CENPP: variants seen among roughly 807,000 people sequenced by gnomAD.
CENPP encodes centromere protein P.
CENPP carries 24 observed loss-of-function variants against 35.6 expected under a neutral mutation model. The observed-to-expected ratio is 0.67, with a 90% CI of 0.49 to 0.95. The LOEUF is 0.95. CENPP is among the 40% of genes least tolerant of loss of function. CENPP has a pLI of 0.00. For missense variants in CENPP, 332 were observed against 345.3 expected (o/e 0.96, Z 0.31); for synonymous variants, 120 against 125.5 (o/e 0.96, Z 0.29).
At chr9:92,386,387 CTA>C (rs1842422660) in intron 5 of CENPP, 1 of 762,154 alleles carries the variant, frequency 1.3e-6, no homozygotes, top group African/African-American at 1.7e-5. Flanking sequence ...GAGTATATGT[CTA>C]TATATACAGA....
At chr9:92,390,587 T>TGTGTGTGTGTGCGC (rs749697394) in intron 5 of CENPP, among the ~76,000 whole-genome samples, 5 of 141,912 alleles carry the variant, frequency 3.5e-5, no homozygotes, top group South Asian at 4.7e-4. Flanking sequence ...TGTGTGTGTG[T>TGTGTGTGTGTGCGC]GCGCGCGCGC....
At chr9:92,335,117 G>A (rs1426663663) in intron 2 of CENPP, among the ~76,000 whole-genome samples, 2 of 152,068 alleles carry the variant, frequency 1.3e-5, no homozygotes, top group South Asian at 2.1e-4. Context: ...TGGTGCCACC[G>A]CACTCCAGCC....
chr9:92,440,125 G>A (rs767038839), intron 5 of CENPP, among the ~76,000 whole-genome samples: 73 of 152,256 alleles, frequency 4.8e-4, no homozygotes, highest in Middle Eastern at 3.4e-3. Context: ...ATCCCTGTGT[G>A]CAACATATCC....
intron 5 of CENPP, among the ~76,000 whole-genome samples, chr9:92,394,519 G>A (rs1034627504): frequency 2.0e-5 from 3 of 150,158 alleles, no homozygotes; most frequent in African/African-American, 4.9e-5. Context: ...CCAAAGTGCC[G>A]GGATTACAGA....
chr9:92,367,230 A>G (rs939456699), intron 4 of CENPP, among the ~76,000 whole-genome samples: 1 of 152,120 alleles, frequency 6.6e-6, no homozygotes, highest in Non-Finnish European at 1.5e-5. Context: ...GCAGTGGCAC[A>G]ATCTCGGCTC....
chr9:92,619,514 C>G lies in CENPP; in HGVS notation c.*6365C>G. The G allele has an allele frequency of 6.3e-7, 1 of 1,593,380 alleles. No individual in the cohort carries two copies. The highest frequency in any genetic ancestry group is 8.5e-7 in the Non-Finnish European group (1 of 1,170,390). ...GCATCCTGCAGACAGGGAGACAGTG[C>G]AATCATGATGGAGCAGTCCTTGGCA... On this transcript the variant is annotated 3_prime_UTR_variant, in exon 8 of 8. Coordinates refer to ENST00000375587, the MANE Select transcript of CENPP (RefSeq NM_001012267.3).
intron 5 of CENPP, 92 bp from the exon 6 acceptor site, chr9:92,611,222 C>T (rs1851232489): frequency 3.9e-6 from 4 of 1,027,226 alleles, no homozygotes; most frequent in African/African-American, 1.6e-5. Flanking sequence ...CCCTGATTTT[C>T]GCCAGACACC....
intron 5 of CENPP, among the ~76,000 whole-genome samples, chr9:92,540,098 T>C (rs1849282122): frequency 6.6e-6 from 1 of 152,244 alleles, no homozygotes; most frequent in African/African-American, 2.4e-5. Flanking sequence ...CAGTTTTCTA[T>C]ATCCAATACT....
chr9:92,345,618 T>C, intron 3 of CENPP, 81 bp from the exon 4 acceptor site: 1 of 758,920 alleles, frequency 1.3e-6, no homozygotes, highest in Non-Finnish European at 2.2e-6. Context: ...TGGTGGCATT[T>C]CATTTTGCAT....
intron 5 of CENPP, among the ~76,000 whole-genome samples, chr9:92,601,316 G>A (rs948616217): frequency 2.0e-5 from 3 of 152,318 alleles, no homozygotes; most frequent in Non-Finnish European, 4.4e-5. Flanking sequence ...CAGCCTTGTA[G>A]CCTGGGGATT....
intron 5 of CENPP, among the ~76,000 whole-genome samples, chr9:92,552,138 T>A (rs1849624485): frequency 7.1e-6 from 1 of 141,502 alleles, no homozygotes; most frequent in African/African-American, 2.7e-5. Context: ...CTATCATATA[T>A]ATGTGATATG....
intron 5 of CENPP, chr9:92,505,676 C>A (rs1435324953): frequency 5.1e-6 from 8 of 1,583,908 alleles, no homozygotes; most frequent in Non-Finnish European, 6.8e-6. Flanking sequence ...TCTAAGGTGA[C>A]CAACTGATTT....
chr9:92,341,190 A>G (rs900042194), intron 3 of CENPP, among the ~76,000 whole-genome samples: 1 of 152,178 alleles, frequency 6.6e-6, no homozygotes. Context: ...AGACCAGTTG[A>G]TCTCAAAACC....
intron 5 of CENPP, among the ~76,000 whole-genome samples, chr9:92,562,757 G>A (rs914243843): frequency 6.6e-6 from 1 of 152,110 alleles, no homozygotes; most frequent in Non-Finnish European, 1.5e-5. Flanking sequence ...CTGATATACT[G>A]TCTGAAGGAG....
intron 5 of CENPP, among the ~76,000 whole-genome samples, chr9:92,538,448 A>G (rs549372858): frequency 6.6e-6 from 1 of 152,222 alleles, no homozygotes; most frequent in Non-Finnish European, 1.5e-5. Flanking sequence ...TATTTTTATC[A>G]TGTTTTGAGC....
intron 5 of CENPP, chr9:92,466,351 AACTT>A (rs1426527770): frequency 6.4e-7 from 1 of 1,566,174 alleles, no homozygotes; most frequent in East Asian, 2.2e-5. Flanking sequence ...TCATTTGAAA[AACTT>A]ACCCAAAACG....
At chr9:92,524,758 T>C (rs190290462) in intron 5 of CENPP, among the ~76,000 whole-genome samples, 2 of 152,306 alleles carry the variant, frequency 1.3e-5, no homozygotes, top group East Asian at 3.9e-4. Context: ...ATCTTTTTAA[T>C]GGGAATTTAA....
intron 5 of CENPP, among the ~76,000 whole-genome samples, chr9:92,443,522 T>C (rs1844474618): frequency 6.6e-6 from 1 of 152,172 alleles, no homozygotes; most frequent in Non-Finnish European, 1.5e-5. Context: ...TTCACTGCAA[T>C]CTCAATAATA....
rs1190700631 is a variant in CENPP at position 92,593,939 on chromosome 9, G to A, written c.565-17375G>A. 1.3e-5 allele frequency among the ~76,000 whole-genome samples: 2 copies of A among 152,134 alleles called. No individual in the cohort carries two copies. Among genetic ancestry groups the A allele is most frequent in the Non-Finnish European group, 2.9e-5 (2 of 68,018 alleles). ...CAAAGGTAATATGATATCCTGGATG[G>A]GAATCCTGGAACAGAAGGACATTAA... On this transcript the variant is annotated intron_variant, in intron 5 of 7. Coordinates refer to ENST00000375587, the MANE Select transcript of CENPP (RefSeq NM_001012267.3). The surrounding 1 kb of genome is among the most constrained non-coding windows in gnomAD (Gnocchi z 4.1).
Sources: allele counts gnomAD v4.1 joint callset (sites outside exome capture counted in the v4.1 genomes callset), GRCh38; gene constraint gnomAD v4.1.1; non-coding constraint Gnocchi (gnomAD v3.1); transcripts MANE v1.5; gene names NCBI Gene and HGNC (gene_info 2026-07-23, HGNC 2026-07-21).